The following PTPRD variants were observed in gnomAD, a reference collection of about 807,000 sequenced individuals.
PTPRD encodes the protein protein tyrosine phosphatase receptor type D.
Under a neutral mutation model 214.5 loss-of-function variants are expected in PTPRD, and 34 were observed. The ratio of observed to expected loss-of-function variants is 0.16; its 90% CI spans 0.12 to 0.21. The LOEUF is 0.21. PTPRD is among the 10% of genes least tolerant of loss of function. The probability of loss-of-function intolerance (pLI) is 1.00; values close to 1 mark genes in which losing one functional copy is unlikely to be tolerated. For missense variants in PTPRD, 2,545 were observed against 2,398.7 expected (o/e 1.06, Z -1.27); for synonymous variants, 1,128 against 845.7 (o/e 1.33, Z -5.79).
At chr9:10,041,013 A>G (rs2097287669) in intron 3 of PTPRD, among the ~76,000 whole-genome samples, 1 of 151,990 alleles carries the variant, frequency 6.6e-6, no homozygotes, top group South Asian at 2.1e-4. Context: ...AATGTTTTTC[A>G]TTTGCTTAAA....
chr9:10,190,218 T>A (rs148087239), intron 3 of PTPRD, among the ~76,000 whole-genome samples: 1,499 of 147,402 alleles, frequency 0.01, 22 homozygotes, highest in African/African-American at 0.035. Context: ...AATACAAAAA[T>A]TAGCAGGGTG....
At chr9:10,189,661 T>C (rs1350594195) in intron 3 of PTPRD, among the ~76,000 whole-genome samples, 5 of 151,718 alleles carry the variant, frequency 3.3e-5, no homozygotes, top group Admixed American at 3.3e-4. Flanking sequence ...AAAGCAGTAA[T>C]GAAGAAAGGC....
At position 9,871,533 on chromosome 9, in the gene PTPRD, C is replaced by T. The variant is rs190705010; in HGVS notation, c.-368+66974G>A. On this transcript the variant is annotated intron_variant, in intron 5 of 45. Coordinates refer to ENST00000381196, the MANE Select transcript of PTPRD (RefSeq NM_002839.4). Reference sequence around the variant, plus strand: ...TTCTAACTCTAGCTCTTCAAGGAAGCTCAGGGGCAGAGTGTAAGCAACCTA... The same window carrying T: ...TTCTAACTCTAGCTCTTCAAGGAAGTTCAGGGGCAGAGTGTAAGCAACCTA... Among the ~76,000 whole-genome samples, 25 of 152,330 alleles carry T rather than the reference C, an allele frequency of 1.6e-4. No individual in the cohort carries two copies. In the East Asian group the frequency reaches 3.7e-3, roughly 22 times the overall value.
At chr9:9,033,206 T>C (rs2099611197) in intron 10 of PTPRD, among the ~76,000 whole-genome samples, 1 of 152,140 alleles carries the variant, frequency 6.6e-6, no homozygotes, top group African/African-American at 2.4e-5. Context: ...ATCAGTGTTT[T>C]CCCACAGTGC....
At chr9:8,485,733 G>C (rs1563731968) in intron 28 of PTPRD, 29 bp downstream of exon 28, 1 of 1,553,206 alleles carries the variant, frequency 6.4e-7, no homozygotes, top group Admixed American at 1.8e-5. Context: ...TCCTTTAAAG[G>C]AGGAAGGCCG....
At chr9:10,264,090 T>C (rs779883714) in intron 3 of PTPRD, among the ~76,000 whole-genome samples, 7 of 152,132 alleles carry the variant, frequency 4.6e-5, no homozygotes, top group Non-Finnish European at 1.0e-4. Context: ...TTTCAGAGGA[T>C]ATATGGGAAC....
chr9:9,317,311 C>G (rs958683805), intron 9 of PTPRD, among the ~76,000 whole-genome samples: 1 of 152,192 alleles, frequency 6.6e-6, no homozygotes, highest in Non-Finnish European at 1.5e-5. Flanking sequence ...CCCATTCATT[C>G]AACCACCTGC....
chr9:10,361,001 C>T (rs1268726678), intron 2 of PTPRD, among the ~76,000 whole-genome samples: 1 of 152,042 alleles, frequency 6.6e-6, no homozygotes, highest in Non-Finnish European at 1.5e-5. Context: ...ACTCGGGAGG[C>T]TGAGGCAGGA....
intron 7 of PTPRD, among the ~76,000 whole-genome samples, chr9:9,578,538 C>A (rs1416822075): frequency 6.6e-6 from 1 of 151,922 alleles, no homozygotes; most frequent in African/African-American, 2.4e-5. Context: ...ATTGGAAAAT[C>A]ATTTTCAATA....
intron 7 of PTPRD, among the ~76,000 whole-genome samples, chr9:9,717,654 T>C (rs1331944155): frequency 1.3e-5 from 2 of 152,216 alleles, no homozygotes; most frequent in African/African-American, 4.8e-5. Flanking sequence ...TTATTACAAA[T>C]ATGGAACACT....
At chr9:9,903,292 C>T (rs989930606) in intron 5 of PTPRD, among the ~76,000 whole-genome samples, 3 of 151,936 alleles carry the variant, frequency 2.0e-5, no homozygotes, top group South Asian at 2.1e-4. Context: ...ATGAAGAACT[C>T]GAGTAGTATT....
At chr9:10,285,861 G>A (rs1382624234) in intron 3 of PTPRD, among the ~76,000 whole-genome samples, 1 of 151,794 alleles carries the variant, frequency 6.6e-6, no homozygotes, top group Non-Finnish European at 1.5e-5. Flanking sequence ...CGCCCGCCTC[G>A]GCCTCCCAAA....
chr9:10,037,641 G>T (rs960911769), intron 3 of PTPRD, among the ~76,000 whole-genome samples: 14 of 151,452 alleles, frequency 9.2e-5, no homozygotes, highest in African/African-American at 3.2e-4. Flanking sequence ...TACATTTAAG[G>T]GGTGGTTTAA....
At chr9:10,568,327 T>C (rs977021243) in intron 2 of PTPRD, among the ~76,000 whole-genome samples, 6 of 152,092 alleles carry the variant, frequency 3.9e-5, no homozygotes, top group African/African-American at 1.4e-4. Flanking sequence ...TAGTATTCCA[T>C]GGTGTATATG....
At chr9:10,159,227 G>T (rs1210145071) in intron 3 of PTPRD, among the ~76,000 whole-genome samples, 3 of 151,956 alleles carry the variant, frequency 2.0e-5, no homozygotes, top group East Asian at 1.9e-4. Flanking sequence ...TACAAAGAAA[G>T]AAAGAAAGAA....
chr9:9,032,039 C>T (rs2099607240), intron 10 of PTPRD, among the ~76,000 whole-genome samples: 1 of 151,596 alleles, frequency 6.6e-6, no homozygotes, highest in African/African-American at 2.4e-5. Flanking sequence ...TTATAAAAAG[C>T]TTTTTTTCCA....
intron 9 of PTPRD, among the ~76,000 whole-genome samples, chr9:9,325,620 C>T (rs1969640854): frequency 6.6e-6 from 1 of 152,120 alleles, no homozygotes; most frequent in Non-Finnish European, 1.5e-5. Flanking sequence ...TCTAGATATA[C>T]AATCATGTCA....
chr9:10,070,917 G>C (rs1182754521), intron 3 of PTPRD, among the ~76,000 whole-genome samples: 3 of 151,918 alleles, frequency 2.0e-5, no homozygotes, highest in African/African-American at 7.2e-5. Context: ...GAGCAAGTGA[G>C]TACAGCAAGT....
intron 3 of PTPRD, among the ~76,000 whole-genome samples, chr9:10,218,710 GTATAAAGTTCACCAAATGCAC>G (rs2099552683): frequency 6.6e-6 from 1 of 151,752 alleles, no homozygotes; most frequent in African/African-American, 2.4e-5. Context: ...GAAATGTCTG[GTATAAAGTTCACCAAATGCAC>G]TGGATATTTA....
Sources: gnomAD v4.1 joint callset for allele counts (sites outside exome capture counted in the v4.1 genomes callset) on GRCh38, gnomAD v4.1.1 for gene constraint, MANE v1.5 for transcripts, NCBI Gene and HGNC (gene_info 2026-07-23, HGNC 2026-07-21) for gene names.